The following SEMA3A variants were observed in gnomAD, a reference collection of about 807,000 sequenced individuals.
SEMA3A encodes the protein semaphorin-3A.
SEMA3A carries 29 observed loss-of-function variants against 97.9 expected under a neutral mutation model. The observed-to-expected ratio is 0.30, with a 90% CI of 0.22 to 0.40. The LOEUF (loss-of-function observed/expected upper bound fraction) is 0.40, where lower values mean the gene tolerates loss of function less well. SEMA3A is among the 10% of genes least tolerant of loss of function. The pLI is 1.00. For missense variants in SEMA3A, 763 were observed against 951.3 expected (o/e 0.80, Z 2.60); for synonymous variants, 321 against 323.7 (o/e 0.99, Z 0.09).
chr7:84,186,697 A>G (rs550779602), intron 1 of SEMA3A, among the ~76,000 whole-genome samples: 2 of 152,134 alleles, frequency 1.3e-5, no homozygotes, highest in Admixed American at 1.3e-4. Context: ...TGCTGCTAGT[A>G]GTTGTCCCAT....
At chr7:84,325,278 G>T (rs1177275145) in intron 2 of SEMA3A, among the ~76,000 whole-genome samples, 3 of 151,958 alleles carry the variant, frequency 2.0e-5, no homozygotes, top group Non-Finnish European at 4.4e-5. Context: ...CAAGTGAAAA[G>T]AAATAGACAA....
rs566160327 is a variant in SEMA3A, at chr7:83,958,342, A to G, written c.*3029T>C. 6.6e-6 allele frequency: 1 copy of G among 152,514 alleles called. No individual in the cohort carries two copies. Among genetic ancestry groups the G allele is most frequent in the Non-Finnish European group, 1.5e-5 (1 of 67,948 alleles). The allele number at this position is 152,514 out of a possible 1,614,324, so 9.4% of individuals were successfully genotyped here. ...GAACAGTAAAGACATCTGAATTCAAATATTTTGAAGAAATGTGTATTTAGC... is the reference window on the plus strand; with the variant it reads ...GAACAGTAAAGACATCTGAATTCAAGTATTTTGAAGAAATGTGTATTTAGC... On this transcript the variant is annotated 3_prime_UTR_variant, in exon 17 of 17. Transcript: ENST00000265362.
At chr7:84,183,739 A>G (rs1263110478) in intron 1 of SEMA3A, among the ~76,000 whole-genome samples, 4 of 152,144 alleles carry the variant, frequency 2.6e-5, no homozygotes, top group African/African-American at 7.2e-5. Flanking sequence ...TTTTGGAAAT[A>G]TAAAAACGCA....
chr7:84,305,771 A>G (rs1313276051), intron 3 of SEMA3A, among the ~76,000 whole-genome samples: 1 of 151,870 alleles, frequency 6.6e-6, no homozygotes, highest in Non-Finnish European at 1.5e-5. Flanking sequence ...GAAGGAGGAG[A>G]GGTTTATTAT....
chr7:84,108,814 A>G (rs779115170), intron 4 of SEMA3A, among the ~76,000 whole-genome samples: 2 of 151,568 alleles, frequency 1.3e-5, no homozygotes, highest in Non-Finnish European at 2.9e-5. Flanking sequence ...CTGAGACAGG[A>G]GAACTGCTTG....
chr7:83,985,190 A>T (rs964995681), intron 13 of SEMA3A, among the ~76,000 whole-genome samples: 11 of 152,294 alleles, frequency 7.2e-5, no homozygotes, highest in Non-Finnish European at 1.6e-4. Context: ...GTAAAAATTT[A>T]TAACAAATAA....
intron 1 of SEMA3A, among the ~76,000 whole-genome samples, chr7:84,455,242 A>T (rs1805660648): frequency 6.6e-6 from 1 of 151,956 alleles, no homozygotes; most frequent in Admixed American, 6.6e-5. Context: ...AAAAAGGTTA[A>T]AAATAAAACA....
chr7:84,334,903 T>C (rs2115963324), intron 2 of SEMA3A, among the ~76,000 whole-genome samples: 1 of 150,658 alleles, frequency 6.6e-6, no homozygotes, highest in South Asian at 2.1e-4. Context: ...ATTTTCTACT[T>C]AGACTACCCC....
intron 3 of SEMA3A, among the ~76,000 whole-genome samples, chr7:84,210,356 TA>T (rs1325433119): frequency 2.0e-5 from 3 of 152,096 alleles, no homozygotes; most frequent in African/African-American, 7.2e-5. Flanking sequence ...ACTTGGGTCT[TA>T]AATGATGAGT....
At chr7:84,239,106 A>G (rs1799301937) in intron 3 of SEMA3A, among the ~76,000 whole-genome samples, 1 of 152,216 alleles carries the variant, frequency 6.6e-6, no homozygotes, top group Non-Finnish European at 1.5e-5. Flanking sequence ...CTAATATTAA[A>G]ATAAGTTTTT....
intron 3 of SEMA3A, among the ~76,000 whole-genome samples, chr7:84,304,927 G>A (rs1801115249): frequency 6.6e-6 from 1 of 151,848 alleles, no homozygotes; most frequent in Admixed American, 6.6e-5. Flanking sequence ...TTAAATAAAT[G>A]CTTGAAATCT....
chr7:84,313,594 C>G (rs910396971), intron 2 of SEMA3A, among the ~76,000 whole-genome samples: 1 of 151,178 alleles, frequency 6.6e-6, no homozygotes, highest in Admixed American at 6.6e-5. Context: ...ACACTATACA[C>G]TTGACTCTAA....
intron 15 of SEMA3A, among the ~76,000 whole-genome samples, chr7:83,966,238 A>G (rs1222563251): frequency 6.6e-6 from 1 of 152,128 alleles, no homozygotes; most frequent in Admixed American, 6.6e-5. Flanking sequence ...CTACTTCTTC[A>G]TAGTGGAATC....
At chr7:84,064,736 T>C (rs1793406616) in intron 4 of SEMA3A, among the ~76,000 whole-genome samples, 2 of 150,622 alleles carry the variant, frequency 1.3e-5, no homozygotes, top group African/African-American at 2.5e-5. Flanking sequence ...TAAATATATA[T>C]GCACCCAATA....
chr7:84,106,610 A>C (rs1381338717), intron 4 of SEMA3A, among the ~76,000 whole-genome samples: 1 of 152,204 alleles, frequency 6.6e-6, no homozygotes, highest in Non-Finnish European at 1.5e-5. Context: ...GTTATTTTGC[A>C]AACGGTTGTA....
chr7:84,337,332 C>T (rs187642489), intron 2 of SEMA3A, among the ~76,000 whole-genome samples: 8 of 152,116 alleles, frequency 5.3e-5, no homozygotes, highest in African/African-American at 1.4e-4. Flanking sequence ...GTAATATATA[C>T]ATAAATGCAC....
chr7:84,177,971 C>T (rs1001707115), intron 1 of SEMA3A, among the ~76,000 whole-genome samples: 1 of 152,076 alleles, frequency 6.6e-6, no homozygotes, highest in Non-Finnish European at 1.5e-5. Context: ...TTCATCAATC[C>T]TTTCAGAAGA....
Position 83,957,819 on chromosome 7 carries a change from C to T in SEMA3A, c.*3552G>A, listed in dbSNP as rs1021816029. 2 of 152,054 alleles carry T rather than the reference C, an allele frequency of 1.3e-5. No individual in the cohort carries two copies. The highest frequency in any genetic ancestry group is 3.9e-4 in the East Asian group (2 of 5,160). The allele number at this position is 152,054 out of a possible 1,614,324, so 9.4% of individuals were successfully genotyped here. On this transcript the variant is annotated 3_prime_UTR_variant, in exon 17 of 17. Transcript: ENST00000265362. Reference sequence around the variant, plus strand: ...AAATCAAGTTAAAAGTATAGATGTCCTTGGTGTTAGACCAGTTTAACATGT... The same window carrying T: ...AAATCAAGTTAAAAGTATAGATGTCTTTGGTGTTAGACCAGTTTAACATGT...
intron 3 of SEMA3A, among the ~76,000 whole-genome samples, chr7:84,225,335 G>C (rs1798964859): frequency 6.6e-6 from 1 of 152,066 alleles, no homozygotes; most frequent in African/African-American, 2.4e-5. Context: ...TGATGTGCCA[G>C]AAATTGTTTC....
Sources: allele counts gnomAD v4.1 joint callset (sites outside exome capture counted in the v4.1 genomes callset), GRCh38; gene constraint gnomAD v4.1.1; transcripts MANE v1.5; gene names NCBI Gene and HGNC (gene_info 2026-07-23, HGNC 2026-07-21).